The following FHIT variants were observed in gnomAD, a reference collection of about 807,000 sequenced individuals.
FHIT encodes bis(5'-adenosyl)-triphosphatase.
A neutral mutation model predicts 17.9 loss-of-function variants in FHIT; 19 were observed. The ratio of observed to expected loss-of-function variants is 1.06; its 90% confidence interval spans 0.74 to 1.56. The LOEUF is 1.56. FHIT is among the 40% of genes most tolerant of loss of function. The pLI, the probability that FHIT is intolerant of heterozygous loss-of-function variation, is 0.00. For missense variants in FHIT, 248 were observed against 189.2 expected (o/e 1.31, Z -1.82); for synonymous variants, 81 against 69.7 (o/e 1.16, Z -0.81).
rs577482565 is a variant in FHIT at position 60,243,607 on chromosome 3, C to T, written c.104-229455G>A. 4.7e-4 allele frequency among the ~76,000 whole-genome samples: 71 copies of T among 152,184 alleles called. No individual in the cohort carries two copies. In the South Asian group the frequency reaches 8.7e-3, roughly 19 times the overall value. On this transcript the variant is annotated intron_variant, in intron 5 of 9. Transcript: ENST00000492590. ...GAAGTCCTTTAGAAGATAGAGGCAA[C>T]GGCTCTTATTTAATCTATAGACACC... is the stretch of plus-strand genomic sequence containing the variant.
chr3:60,283,666 T>G (rs2107652601), intron 5 of FHIT, among the ~76,000 whole-genome samples: 1 of 152,198 alleles, frequency 6.6e-6, no homozygotes, highest in Admixed American at 6.5e-5. Context: ...GTATTTAAGG[T>G]TTTCTTTCTT....
intron 9 of FHIT, chr3:59,750,648 T>TTCTAGAATGCAAGGATCTGAGTACA (rs1700844624): frequency 9.0e-6 from 2 of 221,950 alleles, no homozygotes; most frequent in East Asian, 1.3e-4. Context: ...GAAATAAGCT[T>TTCTAGAATGCAAGGATCTGAGTACA]TCTAGAATGC....
At chr3:60,560,343 T>A (rs1025179314) in intron 4 of FHIT, among the ~76,000 whole-genome samples, 12 of 152,156 alleles carry the variant, frequency 7.9e-5, no homozygotes, top group African/African-American at 2.9e-4. Flanking sequence ...TATTAGATAA[T>A]GATCTCCTTA....
At chr3:60,965,301 T>C (rs1381750330) in intron 3 of FHIT, among the ~76,000 whole-genome samples, 3 of 152,256 alleles carry the variant, frequency 2.0e-5, no homozygotes, top group African/African-American at 7.2e-5. Flanking sequence ...TAAGTTCTTC[T>C]CTACACTGAT....
intron 5 of FHIT, among the ~76,000 whole-genome samples, chr3:60,525,258 C>G (rs563115307): frequency 3.3e-4 from 50 of 152,270 alleles, no homozygotes; most frequent in African/African-American, 1.2e-3. Flanking sequence ...TGAGAAGAAC[C>G]TGATATACAG....
intron 1 of FHIT, among the ~76,000 whole-genome samples, chr3:61,207,069 G>A (rs1159111990): frequency 6.6e-6 from 1 of 152,150 alleles, no homozygotes; most frequent in Non-Finnish European, 1.5e-5. Context: ...TGCATCTATT[G>A]AGATAATCAT....
At position 60,313,353 on chromosome 3, in the gene FHIT, G is replaced by A. The variant is rs138972488; in HGVS notation, c.103+223507C>T. 5.3e-5 allele frequency among the ~76,000 whole-genome samples: 8 copies of A among 152,272 alleles called. No individual in the cohort carries two copies. The South Asian group carries it at 6.2e-4, about 12-fold the overall frequency. On this transcript the variant is annotated intron_variant, in intron 5 of 9. Coordinates refer to ENST00000492590, the MANE Select transcript of FHIT (RefSeq NM_002012.4). Reference sequence around the variant, plus strand: ...GCCTTCTCAAGTAGGTCAAGCAACCGCATTTATATTGTCTACATTAAAGGG... The same window carrying A: ...GCCTTCTCAAGTAGGTCAAGCAACCACATTTATATTGTCTACATTAAAGGG...
chr3:59,838,253 C>G (rs1701409672), intron 8 of FHIT, among the ~76,000 whole-genome samples: 1 of 152,166 alleles, frequency 6.6e-6, no homozygotes, highest in South Asian at 2.1e-4. Context: ...CCCTCAATGC[C>G]CAGACAAACC....
At chr3:61,201,962 A>ATG (rs973023508) in intron 1 of FHIT, among the ~76,000 whole-genome samples, 1 of 150,962 alleles carries the variant, frequency 6.6e-6, no homozygotes, top group East Asian at 1.9e-4. Context: ...GTGTATATAT[A>ATG]TGTGTGTGTA....
At chr3:59,783,450 A>G (rs1702692893) in intron 8 of FHIT, among the ~76,000 whole-genome samples, 1 of 152,208 alleles carries the variant, frequency 6.6e-6, no homozygotes, top group African/African-American at 2.4e-5. Flanking sequence ...GCCTGGTGAC[A>G]GAGCGAGACT....
At chr3:60,307,871 T>C (rs1052117447) in intron 5 of FHIT, among the ~76,000 whole-genome samples, 2 of 149,762 alleles carry the variant, frequency 1.3e-5, no homozygotes, top group Non-Finnish European at 3.0e-5. Flanking sequence ...CTGAGACACA[T>C]GTGGTTCGGC....
chr3:60,071,792 G>C (rs1283849523), intron 5 of FHIT, among the ~76,000 whole-genome samples: 1 of 152,206 alleles, frequency 6.6e-6, no homozygotes, highest in Non-Finnish European at 1.5e-5. Flanking sequence ...GATGGACCCG[G>C]TGAGAGGTAA....
At chr3:59,751,698 C>T (rs1575598364) in intron 9 of FHIT, 11 of 229,906 alleles carry the variant, frequency 4.8e-5, no homozygotes, top group East Asian at 2.5e-4. Flanking sequence ...TCCTAGGAGC[C>T]GAACATAAAG....
intron 3 of FHIT, among the ~76,000 whole-genome samples, chr3:60,970,547 G>GT (rs1391549297): frequency 7.3e-5 from 11 of 151,330 alleles, no homozygotes; most frequent in Admixed American, 7.2e-4. Flanking sequence ...TTCTCTTTTT[G>GT]TCTTCAATTA....
chr3:60,826,626 A>G (rs1702133706), intron 3 of FHIT, among the ~76,000 whole-genome samples: 1 of 152,202 alleles, frequency 6.6e-6, no homozygotes, highest in Non-Finnish European at 1.5e-5. Context: ...AGACTGTCTC[A>G]GCGTGGAGGG....
chr3:60,988,366 G>T (rs972109889), intron 3 of FHIT, among the ~76,000 whole-genome samples: 1 of 152,196 alleles, frequency 6.6e-6, no homozygotes, highest in Non-Finnish European at 1.5e-5. Context: ...GTGCAATACT[G>T]TGATGAACAA....
chr3:61,236,541 G>A (rs887827007), intron 1 of FHIT, among the ~76,000 whole-genome samples: 4 of 152,152 alleles, frequency 2.6e-5, no homozygotes, highest in African/African-American at 9.7e-5. Context: ...TCCCTGAAGT[G>A]CTCTACCCAG....
intron 5 of FHIT, among the ~76,000 whole-genome samples, chr3:60,140,275 A>G (rs1051418872): frequency 6.6e-6 from 1 of 152,090 alleles, no homozygotes; most frequent in African/African-American, 2.4e-5. Flanking sequence ...TAGTGCCTCA[A>G]TTTTCCTGTA....
At chr3:60,410,229 G>T (rs1702013591) in intron 5 of FHIT, among the ~76,000 whole-genome samples, 1 of 152,318 alleles carries the variant, frequency 6.6e-6, no homozygotes, top group Admixed American at 6.5e-5. Context: ...TAACCACTGA[G>T]AAGATAATAG....
Sources: gnomAD v4.1 joint callset for allele counts (sites outside exome capture counted in the v4.1 genomes callset) on GRCh38, gnomAD v4.1.1 for gene constraint, MANE v1.5 for transcripts, NCBI Gene and HGNC (gene_info 2026-07-23, HGNC 2026-07-21) for gene names.